The following SPAG17 variants were observed in gnomAD, a reference collection of about 807,000 sequenced individuals.
The protein encoded by SPAG17 is sperm associated antigen 17.
SPAG17 carries 169 observed loss-of-function variants against 273.6 expected under a neutral mutation model. The observed-to-expected ratio is 0.62, with a 90% CI of 0.55 to 0.70. SPAG17 has a LOEUF of 0.70. Among genes scored for constraint, SPAG17 ranks in the 30% least tolerant of loss-of-function variants. The probability of loss-of-function intolerance (pLI) is 0.00; values close to 1 mark genes in which losing one functional copy is unlikely to be tolerated. For missense variants in SPAG17, 2,557 were observed against 2,627.8 expected (o/e 0.97, Z 0.59); for synonymous variants, 825 against 873.2 (o/e 0.94, Z 0.97).
In SPAG17 at chr1:117,953,612, G is replaced by C. The variant is rs1234297776; in HGVS notation, c.*438C>G. The C allele has an allele frequency of 2.6e-6, 4 of 1,522,748 alleles. No homozygotes were observed. The highest frequency in any genetic ancestry group is 3.6e-6 in the Non-Finnish European group (4 of 1,123,434). 94.3% of individuals were successfully genotyped at this position (1,522,748 alleles called of 1,614,324 possible). On this transcript the variant is annotated 3_prime_UTR_variant, in exon 49 of 49. Transcript: ENST00000336338. ...AACTTTTTAGTAAAAGTTTTATTCTGTATCAACCAGAAAGCCATTTTTTTG... is the reference window on the plus strand; with the variant it reads ...AACTTTTTAGTAAAAGTTTTATTCTCTATCAACCAGAAAGCCATTTTTTTG...
Position 118,008,105 on chromosome 1 carries a change from C to T in SPAG17, c.4526G>A (p.Ser1509Asn). The change falls in exon 31 of 49, where the codon AGC becomes AAC. Residue 1509 changes from serine (S) to asparagine (N), a missense_variant. By Grantham distance (46) the Ser-to-Asn change is conservative (BLOSUM62 1). Coordinates refer to ENST00000336338, the MANE Select transcript of SPAG17 (RefSeq NM_206996.4). ...ATVIANCEDS[S>N]CCATFGDGTT... ...TCCATCTCCAAAGGTGGCACAGCAG[C>T]TACTGTCCTCACAGTTGGCGATAAC... 6.2e-7 allele frequency: 1 copy of T among 1,614,116 alleles called. No homozygotes were observed. The highest frequency in any genetic ancestry group is 1.7e-4 in the Middle Eastern group (1 of 6,058).
At chr1:117,994,111 G>A (rs1427524829) in intron 35 of SPAG17, among the ~76,000 whole-genome samples, 1 of 152,136 alleles carries the variant, frequency 6.6e-6, no homozygotes, top group African/African-American at 2.4e-5. Flanking sequence ...CATGACAGAG[G>A]TGTAACCTGG....
rs56023474 is a variant in SPAG17, at chr1:118,109,383, TA to T, written c.447+5926del. On this transcript the variant is annotated intron_variant, in intron 4 of 48. Coordinates refer to ENST00000336338, the MANE Select transcript of SPAG17 (RefSeq NM_206996.4). ...CAACATGGCGATATCCCATCTTTAC[TA>T]AAAAAAAAAAAAAAAAAAATTAGCC... Among the ~76,000 whole-genome samples the T allele has an allele frequency of 4.2e-3, 486 of 116,192 alleles. 3 individuals carry two copies. Among genetic ancestry groups the T allele is most frequent in the Middle Eastern group, 0.019 (4 of 216 alleles). 76.2% of individuals were successfully genotyped at this position (116,192 alleles called of 152,430 possible).
chr1:118,144,142 TC>T (rs1411741592), intron 3 of SPAG17, among the ~76,000 whole-genome samples: 3 of 152,248 alleles, frequency 2.0e-5, no homozygotes, highest in Admixed American at 2.0e-4. Context: ...GTTCTGCTTT[TC>T]TTTGAAAATA....
chr1:118,128,026 G>A (rs998715719), intron 3 of SPAG17, among the ~76,000 whole-genome samples: 1 of 151,974 alleles, frequency 6.6e-6, no homozygotes, highest in African/African-American at 2.4e-5. Flanking sequence ...GGAGGCTGAC[G>A]CAGGAGAATC....
intron 46 of SPAG17, among the ~76,000 whole-genome samples, chr1:117,969,562 GA>G (rs1368313212): frequency 3.3e-5 from 5 of 152,168 alleles, no homozygotes; most frequent in African/African-American, 1.2e-4. Flanking sequence ...CTGGGTGACA[GA>G]GTGAGGCTCT....
At chr1:118,107,557 A>T (rs1656476094) in intron 4 of SPAG17, among the ~76,000 whole-genome samples, 2 of 151,972 alleles carry the variant, frequency 1.3e-5, no homozygotes. Context: ...GATGAGTCTC[A>T]CTCTGTGGCC....
At chr1:118,171,063 C>G (rs1660395520) in intron 1 of SPAG17, among the ~76,000 whole-genome samples, 3 of 151,960 alleles carry the variant, frequency 2.0e-5, no homozygotes, top group Non-Finnish European at 4.4e-5. Context: ...TTTTAAAAAC[C>G]TAGGGATCAA....
chr1:118,024,452 A>T (rs1168240602), intron 27 of SPAG17, among the ~76,000 whole-genome samples: 1 of 152,094 alleles, frequency 6.6e-6, no homozygotes, highest in South Asian at 2.1e-4. Flanking sequence ...TTAATTTTTT[A>T]AAGTATTTAA....
At chr1:118,147,226 C>T (rs1659056814) in intron 3 of SPAG17, among the ~76,000 whole-genome samples, 1 of 152,154 alleles carries the variant, frequency 6.6e-6, no homozygotes, top group Non-Finnish European at 1.5e-5. Flanking sequence ...CTTCCTCTCT[C>T]TTCATCGTCT....
At chr1:117,970,523 T>C (rs1329410066) in intron 45 of SPAG17, among the ~76,000 whole-genome samples, 5 of 152,194 alleles carry the variant, frequency 3.3e-5, no homozygotes, top group Admixed American at 6.5e-5. Context: ...GAGCCAGCCT[T>C]GCTCTGTCTT....
chr1:117,979,952 T>A (rs1274980491), intron 43 of SPAG17, among the ~76,000 whole-genome samples: 2 of 152,252 alleles, frequency 1.3e-5, no homozygotes, highest in African/African-American at 4.8e-5. Flanking sequence ...TATTATGTCA[T>A]AATATTTATT....
At chr1:118,011,283 G>A (rs1416814806) in intron 30 of SPAG17, among the ~76,000 whole-genome samples, 1 of 152,182 alleles carries the variant, frequency 6.6e-6, no homozygotes, top group Non-Finnish European at 1.5e-5. Context: ...TATGTTCACT[G>A]TAGCACTGTT....
chr1:118,007,758 T>A (rs994780583), intron 31 of SPAG17, among the ~76,000 whole-genome samples: 7 of 152,200 alleles, frequency 4.6e-5, no homozygotes, highest in African/African-American at 1.7e-4. Context: ...ACACCCACAG[T>A]GCCTAGCACA....
intron 1 of SPAG17, among the ~76,000 whole-genome samples, chr1:118,182,569 G>A (rs553744643): frequency 6.6e-6 from 1 of 152,222 alleles, no homozygotes; most frequent in South Asian, 2.1e-4. Flanking sequence ...ACTCATATCA[G>A]TAAGTTAAAT....
chr1:118,065,967 C>T (rs1025459178), intron 18 of SPAG17, among the ~76,000 whole-genome samples: 16 of 151,940 alleles, frequency 1.1e-4, no homozygotes, highest in Non-Finnish European at 1.5e-4. Context: ...TTATTGTTAA[C>T]GAAAAACAAA....
chr1:118,133,732 T>C (rs140421754), intron 3 of SPAG17, among the ~76,000 whole-genome samples: 209 of 152,312 alleles, frequency 1.4e-3, no homozygotes, highest in African/African-American at 4.1e-3. Flanking sequence ...GTCCTTCTTC[T>C]GAAGGATGCT....
At position 118,039,443 on chromosome 1, in the gene SPAG17, G is replaced by T. The variant is rs777401002; in HGVS notation, c.3168C>A (p.Gly1056=). The stretch of plus-strand genomic sequence containing the variant: ...CCACTCTCACTTTGATAAAAGTTGG[G>T]CCTGAGGAGGAACCATAGAATAGAA... The part of the protein sequence containing the change: ...IEVEKTMFEK[G]PTFIKVRVVK... Residue 1056 remains glycine (G), a splice_region_variant and synonymous_variant, in exon 23 of 49, where the codon GGC becomes GGA. Transcript: ENST00000336338. 1 of 1,613,000 alleles carries T rather than the reference G, an allele frequency of 6.2e-7. No homozygotes were observed. The highest frequency in any genetic ancestry group is 8.5e-7 in the Non-Finnish European group (1 of 1,179,354).
chr1:118,048,330 G>T (rs537326847), intron 20 of SPAG17, among the ~76,000 whole-genome samples: 1 of 151,844 alleles, frequency 6.6e-6, no homozygotes, highest in Non-Finnish European at 1.5e-5. Context: ...CTGGTGACAG[G>T]CTGGCTGCTG....
Sources: allele counts gnomAD v4.1 joint callset (sites outside exome capture counted in the v4.1 genomes callset), GRCh38; gene constraint gnomAD v4.1.1; transcripts MANE v1.5; gene names NCBI Gene and HGNC (gene_info 2026-07-23, HGNC 2026-07-21).